FBXL7: variants seen among roughly 807,000 people sequenced by gnomAD.
FBXL7 encodes F-box/LRR-repeat protein 7.
A neutral mutation model predicts 38.3 loss-of-function variants in FBXL7; 12 were observed. That is an observed-to-expected ratio of 0.31 (90% confidence interval 0.20 to 0.51). The LOEUF (loss-of-function observed/expected upper bound fraction) is 0.51, where lower values mean the gene tolerates loss of function less well. Ranked by LOEUF, FBXL7 falls within the 20% of genes least tolerant of loss-of-function variation. The pLI, the probability that FBXL7 is intolerant of heterozygous loss-of-function variation, is 0.98. For missense variants in FBXL7, 567 were observed against 676.4 expected (o/e 0.84, Z 1.79); for synonymous variants, 297 against 300.9 (o/e 0.99, Z 0.13).
chr5:15,629,599 A>G (rs780578800), intron 2 of FBXL7, among the ~76,000 whole-genome samples: 1 of 152,164 alleles, frequency 6.6e-6, no homozygotes, highest in Non-Finnish European at 1.5e-5. Context: ...ACTAGGCCAC[A>G]GCCCAGTCAA....
chr5:15,869,055 C>T (rs946562534), intron 2 of FBXL7, among the ~76,000 whole-genome samples: 39 of 152,216 alleles, frequency 2.6e-4, no homozygotes, highest in African/African-American at 6.7e-4. Context: ...AGTCATTGAA[C>T]GAAGAGCTCC....
chr5:15,648,894 A>AT (rs1741619887), intron 2 of FBXL7, among the ~76,000 whole-genome samples: 1 of 142,490 alleles, frequency 7.0e-6, no homozygotes, highest in Non-Finnish European at 1.5e-5. Context: ...GTCAATTTCA[A>AT]CTTTTTTTTT....
chr5:15,539,708 A>G (rs1257325547), intron 1 of FBXL7, among the ~76,000 whole-genome samples: 1 of 151,870 alleles, frequency 6.6e-6, no homozygotes, highest in Non-Finnish European at 1.5e-5. Context: ...CCACTTTTCC[A>G]GCTAAATCTC....
chr5:15,523,207 A>G (rs1173681049), intron 1 of FBXL7, among the ~76,000 whole-genome samples: 3 of 152,210 alleles, frequency 2.0e-5, no homozygotes, highest in Non-Finnish European at 4.4e-5. Context: ...TTATTAGAGT[A>G]AAACAGCTGC....
chr5:15,684,240 G>A (rs1398921170), intron 2 of FBXL7, among the ~76,000 whole-genome samples: 3 of 152,114 alleles, frequency 2.0e-5, no homozygotes, highest in South Asian at 2.1e-4. Context: ...TGCTCTCAAC[G>A]AACTTAGGAA....
At chr5:15,555,968 G>A (rs373502524) in intron 1 of FBXL7, among the ~76,000 whole-genome samples, 31 of 131,614 alleles carry the variant, frequency 2.4e-4, no homozygotes, top group African/African-American at 8.4e-4. Flanking sequence ...TCTGTCATCT[G>A]TCTATCATCT....
intron 2 of FBXL7, among the ~76,000 whole-genome samples, chr5:15,803,186 C>T (rs1186036083): frequency 1.3e-5 from 2 of 152,192 alleles, no homozygotes; most frequent in African/African-American, 2.4e-5. Flanking sequence ...ATTTGACCAA[C>T]ATTTTGTTCC....
intron 1 of FBXL7, among the ~76,000 whole-genome samples, chr5:15,503,881 A>G (rs1204945609): frequency 6.6e-6 from 1 of 152,240 alleles, no homozygotes; most frequent in African/African-American, 2.4e-5. Context: ...TTGTTGAATT[A>G]TTAGAACTTT....
intron 2 of FBXL7, among the ~76,000 whole-genome samples, chr5:15,805,045 G>A (rs979924402): frequency 1.3e-5 from 2 of 152,156 alleles, no homozygotes; most frequent in African/African-American, 4.8e-5. Flanking sequence ...TTCTCCCTGT[G>A]TCTTCACCTC....
At position 15,625,010 on chromosome 5, in the gene FBXL7, A is replaced by G. The variant is rs1443046828; in HGVS notation, c.127+8938A>G. On this transcript the variant is annotated intron_variant, in intron 2 of 3. Transcript: ENST00000504595. The stretch of plus-strand genomic sequence containing the variant: ...CCTGCTTTTTCCCATGAGTTGGAGT[A>G]TCCAGAGGTCCTCACCGGATGCAGC... Among the ~76,000 whole-genome samples, 3 of 151,958 alleles carry G rather than the reference A, an allele frequency of 2.0e-5. No homozygotes were observed. In the East Asian group the frequency reaches 5.8e-4, roughly 30 times the overall value.
chr5:15,766,651 A>G (rs896796126), intron 2 of FBXL7, among the ~76,000 whole-genome samples: 7 of 152,194 alleles, frequency 4.6e-5, no homozygotes, highest in Non-Finnish European at 8.8e-5. Context: ...CTTGACTTTC[A>G]TTATCTCTGG....
chr5:15,734,884 G>A (rs1396836010), intron 2 of FBXL7, among the ~76,000 whole-genome samples: 2 of 152,182 alleles, frequency 1.3e-5, no homozygotes, highest in Non-Finnish European at 1.5e-5. Flanking sequence ...ATCATGGAGG[G>A]CCTTGCCTCC....
chr5:15,623,144 C>G (rs546013764), intron 2 of FBXL7, among the ~76,000 whole-genome samples: 182 of 152,316 alleles, frequency 1.2e-3, no homozygotes, highest in African/African-American at 3.9e-3. Flanking sequence ...CTGTTTTGAG[C>G]TGGTTGCAGA....
intron 2 of FBXL7, among the ~76,000 whole-genome samples, chr5:15,775,476 C>T (rs1319797385): frequency 6.6e-6 from 1 of 152,014 alleles, no homozygotes; most frequent in Non-Finnish European, 1.5e-5. Flanking sequence ...CAAGCTTCAT[C>T]CCACCCCATG....
intron 2 of FBXL7, among the ~76,000 whole-genome samples, chr5:15,691,380 T>C (rs1743177901): frequency 1.3e-5 from 2 of 152,238 alleles, no homozygotes; most frequent in African/African-American, 4.8e-5. Flanking sequence ...GACCTTTGCA[T>C]CTAAAGCTCG....
intron 2 of FBXL7, among the ~76,000 whole-genome samples, chr5:15,640,260 C>A (rs1406297881): frequency 6.6e-6 from 1 of 152,076 alleles, no homozygotes; most frequent in Non-Finnish European, 1.5e-5. Flanking sequence ...TCCTTTCTTG[C>A]GTTTCTCAGC....
intron 1 of FBXL7, among the ~76,000 whole-genome samples, chr5:15,610,699 G>T (rs1013725625): frequency 1.3e-5 from 2 of 152,138 alleles, no homozygotes; most frequent in African/African-American, 4.8e-5. Context: ...ATTCTACAAA[G>T]ATTTGTTGGT....
intron 2 of FBXL7, among the ~76,000 whole-genome samples, chr5:15,738,872 A>C (rs1735824719): frequency 6.6e-6 from 1 of 152,198 alleles, no homozygotes; most frequent in African/African-American, 2.4e-5. Context: ...CTTGAGGAAA[A>C]CCAAAGTGTG....
chr5:15,937,453 C>G lies in FBXL7; in HGVS notation c.*267C>G. The G allele has an allele frequency of 2.3e-6, 1 of 430,666 alleles. No homozygotes were observed. The highest frequency in any genetic ancestry group is 4.2e-6 in the Non-Finnish European group (1 of 240,944). The allele number at this position is 430,666 out of a possible 1,614,324, so 26.7% of individuals were successfully genotyped here. A position where few individuals can be genotyped will look rare whatever the true frequency, so the allele number is the denominator to read the frequency against. ...AAAAGATGTACTTAAGCAGGCTGAT[C>G]GCTGTTCCTTGAGCAAGGCGCTTAC... is the stretch of plus-strand genomic sequence containing the variant. On this transcript the variant is annotated 3_prime_UTR_variant, in exon 4 of 4. Coordinates refer to ENST00000504595, the MANE Select transcript of FBXL7 (RefSeq NM_012304.5).
Sources: gnomAD v4.1 joint callset for allele counts (sites outside exome capture counted in the v4.1 genomes callset) on GRCh38, gnomAD v4.1.1 for gene constraint, MANE v1.5 for transcripts, NCBI Gene and HGNC (gene_info 2026-07-23, HGNC 2026-07-21) for gene names.